KDM4C: variants seen among roughly 807,000 people sequenced by gnomAD.
KDM4C encodes the protein lysine-specific demethylase 4C.
Under a neutral mutation model 129.3 loss-of-function variants are expected in KDM4C, and 81 were observed. That is an observed-to-expected ratio of 0.63 (90% CI 0.52 to 0.75). The LOEUF is 0.75. Ranked by LOEUF, KDM4C falls within the 30% of genes least tolerant of loss-of-function variation. KDM4C has a pLI of 0.00. For synonymous variants in KDM4C, 573 were observed against 456.1 expected, an observed-to-expected ratio of 1.26 and a Z score of -3.26; for missense variants, 1,457 against 1,304.0, an observed-to-expected ratio of 1.12 and a Z score of -1.81.
intron 6 of KDM4C, among the ~76,000 whole-genome samples, chr9:6,882,806 G>GCA (rs56890308): frequency 2.8e-5 from 4 of 143,334 alleles, no homozygotes; most frequent in Admixed American, 2.1e-4. Context: ...GTGTGTGTGT[G>GCA]CGCGTGTGCA....
chr9:7,033,336 C>T (rs1271705211), intron 15 of KDM4C, among the ~76,000 whole-genome samples: 1 of 152,084 alleles, frequency 6.6e-6, no homozygotes, highest in African/African-American at 2.4e-5. Context: ...CTTATTCTTC[C>T]CTACTGTGGT....
At chr9:6,930,837 A>G (rs1376426634) in intron 8 of KDM4C, among the ~76,000 whole-genome samples, 3 of 151,768 alleles carry the variant, frequency 2.0e-5, no homozygotes, top group Non-Finnish European at 2.9e-5. Context: ...CCCCTAATCT[A>G]TTAGTTCCTT....
At chr9:6,870,737 T>C (rs974121772) in intron 5 of KDM4C, among the ~76,000 whole-genome samples, 7 of 152,036 alleles carry the variant, frequency 4.6e-5, no homozygotes, top group African/African-American at 1.2e-4. Flanking sequence ...TACTGGGCTT[T>C]CTTCTTCACA....
At chr9:7,099,126 C>A (rs1252912150) in intron 17 of KDM4C, among the ~76,000 whole-genome samples, 1 of 152,134 alleles carries the variant, frequency 6.6e-6, no homozygotes, top group Non-Finnish European at 1.5e-5. Context: ...TATCATTAGC[C>A]TGTGACTTAA....
chr9:7,018,317 T>C (rs1824053402), intron 15 of KDM4C, among the ~76,000 whole-genome samples: 1 of 152,222 alleles, frequency 6.6e-6, no homozygotes. Context: ...TACTGTCATG[T>C]GTGCAGTCCA....
intron 5 of KDM4C, among the ~76,000 whole-genome samples, chr9:6,855,507 G>A (rs1391415257): frequency 6.8e-6 from 1 of 147,782 alleles, no homozygotes; most frequent in South Asian, 2.2e-4. Flanking sequence ...TAAGTATAAC[G>A]GATTTTTCCC....
intron 18 of KDM4C, among the ~76,000 whole-genome samples, chr9:7,121,516 A>C (rs1839484061): frequency 6.6e-6 from 1 of 152,228 alleles, no homozygotes; most frequent in Non-Finnish European, 1.5e-5. Flanking sequence ...AATAAACTTC[A>C]GTCCTTGATA....
At chr9:6,801,645 C>G (rs13286780) in intron 2 of KDM4C, among the ~76,000 whole-genome samples, 1 of 150,910 alleles carries the variant, frequency 6.6e-6, no homozygotes, top group East Asian at 2.1e-4. Flanking sequence ...CTCTCTGTCT[C>G]TCTCTCTCTC....
At chr9:7,121,806 C>CT (rs886500956) in intron 18 of KDM4C, among the ~76,000 whole-genome samples, 10 of 150,406 alleles carry the variant, frequency 6.6e-5, no homozygotes, top group African/African-American at 2.2e-4. Flanking sequence ...CAATGGAAGG[C>CT]TTAAAAAAAA....
intron 18 of KDM4C, among the ~76,000 whole-genome samples, chr9:7,118,227 C>A (rs1022012624): frequency 6.6e-6 from 1 of 152,158 alleles, no homozygotes; most frequent in African/African-American, 2.4e-5. Flanking sequence ...CACCATTTCC[C>A]ACTGTATTAT....
At chr9:7,029,744 G>C (rs956656043) in intron 15 of KDM4C, among the ~76,000 whole-genome samples, 2 of 152,154 alleles carry the variant, frequency 1.3e-5, no homozygotes, top group South Asian at 4.1e-4. Context: ...GATTTTGTTA[G>C]AGTGCCACAA....
intron 17 of KDM4C, among the ~76,000 whole-genome samples, chr9:7,050,432 C>A (rs1829983418): frequency 4.7e-5 from 1 of 21,218 alleles, no homozygotes; most frequent in South Asian, 2.4e-3. Context: ...AAATCTTATA[C>A]CCAGATTACC....
At chr9:6,897,305 G>T (rs1287897965) in intron 8 of KDM4C, among the ~76,000 whole-genome samples, 2 of 152,172 alleles carry the variant, frequency 1.3e-5, no homozygotes, top group Non-Finnish European at 2.9e-5. Flanking sequence ...TGCTTAGTTT[G>T]ACCATCCCTG....
intron 5 of KDM4C, among the ~76,000 whole-genome samples, chr9:6,870,184 C>T (rs1842641345): frequency 6.6e-6 from 1 of 152,088 alleles, no homozygotes; most frequent in Admixed American, 6.5e-5. Flanking sequence ...AAAAAACAAC[C>T]ACTTCAGGTA....
At chr9:6,918,148 A>T (rs923064190) in intron 8 of KDM4C, among the ~76,000 whole-genome samples, 1 of 152,158 alleles carries the variant, frequency 6.6e-6, no homozygotes, top group African/African-American at 2.4e-5. Context: ...CCCAAAAGGT[A>T]GCTTTTTTTA....
intron 17 of KDM4C, among the ~76,000 whole-genome samples, chr9:7,052,898 A>AGAGAGAGAGAGCGAGAGAGT (rs1477487723): frequency 4.2e-5 from 2 of 47,532 alleles, no homozygotes; most frequent in Admixed American, 2.6e-4. Flanking sequence ...AGAGAGAGAG[A>AGAGAGAGAGAGCGAGAGAGT]GAGCGAGCGA....
intron 19 of KDM4C, among the ~76,000 whole-genome samples, chr9:7,144,841 C>A (rs1466183876): frequency 6.6e-6 from 1 of 152,254 alleles, no homozygotes; most frequent in Non-Finnish European, 1.5e-5. Context: ...TCAAAGGGAG[C>A]TAAGCTATTC....
intron 8 of KDM4C, among the ~76,000 whole-genome samples, chr9:6,975,508 A>G (rs986102412): frequency 2.0e-5 from 3 of 152,240 alleles, no homozygotes; most frequent in Non-Finnish European, 2.9e-5. Flanking sequence ...GTTACTTATT[A>G]GGTATGTGAC....
rs188859717 is a variant in KDM4C at position 6,740,082 on chromosome 9, A to G, written c.49+19085A>G. 9.6e-3 allele frequency among the ~76,000 whole-genome samples: 1,444 copies of G among 150,192 alleles called. 20 individuals carry two copies. The highest frequency in any genetic ancestry group is 0.034 in the African/African-American group (1,374 of 40,768). ...TTTTTGTATTTTTAGTAGAGACGGG[A>G]TTTCACCATTTTGGCCAGGATGGCC... On this transcript the variant is annotated intron_variant, in intron 1 of 17. Transcript: ENST00000536108.
Sources: gnomAD v4.1 joint callset for allele counts (sites outside exome capture counted in the v4.1 genomes callset) on GRCh38, gnomAD v4.1.1 for gene constraint, MANE v1.5 for transcripts, NCBI Gene and HGNC (gene_info 2026-07-23, HGNC 2026-07-21) for gene names.